The following YAF2 variants were observed in gnomAD, a reference collection of about 807,000 sequenced individuals.
YAF2 encodes the protein YY1 associated factor 2.
In YAF2, 7 loss-of-function variants were observed where a neutral mutation model predicts 20.1. The ratio of observed to expected loss-of-function variants is 0.35; its 90% CI spans 0.20 to 0.65. The LOEUF (loss-of-function observed/expected upper bound fraction) is 0.65, where lower values mean the gene tolerates loss of function less well. Ranked by LOEUF, YAF2 falls within the 30% of genes least tolerant of loss-of-function variation. The pLI is 0.69. For synonymous variants in YAF2, 74 were observed against 76.0 expected (o/e 0.97, Z 0.14); for missense variants, 151 against 219.2 (o/e 0.69, Z 1.96).
Position 42,223,718 on chromosome 12 carries a change from C to T in YAF2, c.152+13881G>A, listed in dbSNP as rs537638881. 4.6e-5 allele frequency among the ~76,000 whole-genome samples: 7 copies of T among 152,122 alleles called. No individual in the cohort carries two copies. The East Asian group carries it at 1.4e-3, about 29-fold the overall frequency. On this transcript the variant is annotated intron_variant, in intron 2 of 3. Transcript: ENST00000534854. ...CCATAAAAAAGGATGAGTTCATGTC[C>T]TTCGCAGGGACATGGATGAAGCTGG...
chr12:42,224,650 A>G (rs975010037), intron 2 of YAF2, among the ~76,000 whole-genome samples: 1 of 151,374 alleles, frequency 6.6e-6, no homozygotes, highest in African/African-American at 2.4e-5. Context: ...ATCCTGTGTT[A>G]GTGTGCTGTA....
intron 2 of YAF2, among the ~76,000 whole-genome samples, chr12:42,223,539 A>C (rs2067587240): frequency 6.6e-6 from 1 of 152,030 alleles, no homozygotes; most frequent in Non-Finnish European, 1.5e-5. Flanking sequence ...TTATTTATTT[A>C]TTTGTACAGA....
At chr12:42,185,137 C>A (rs1248506779) in intron 2 of YAF2, among the ~76,000 whole-genome samples, 3 of 152,172 alleles carry the variant, frequency 2.0e-5, no homozygotes, top group Non-Finnish European at 4.4e-5. Context: ...AAGATCGCGC[C>A]ACTGCACTCC....
At chr12:42,238,014 A>C in intron 1 of YAF2, 141 bp downstream of exon 1, 3 of 579,704 alleles carry the variant, frequency 5.2e-6, no homozygotes, top group Non-Finnish European at 7.0e-6. Flanking sequence ...CGGCCCCCTC[A>C]AGCGGCAGCA....
chr12:42,166,362 T>A (rs2065917575), intron 2 of YAF2, among the ~76,000 whole-genome samples: 1 of 152,246 alleles, frequency 6.6e-6, no homozygotes, highest in Non-Finnish European at 1.5e-5. Flanking sequence ...ACCATTTTCA[T>A]TTGTAGATGA....
At chr12:42,227,830 G>T (rs370472867) in intron 2 of YAF2, among the ~76,000 whole-genome samples, 1 of 137,196 alleles carries the variant, frequency 7.3e-6, no homozygotes, top group Non-Finnish European at 1.6e-5. Flanking sequence ...CAGCCGTGCC[G>T]TCCGGGAGGG....
At chr12:42,181,062 A>G (rs2066330127) in intron 2 of YAF2, among the ~76,000 whole-genome samples, 1 of 152,242 alleles carries the variant, frequency 6.6e-6, no homozygotes, top group Admixed American at 6.5e-5. Context: ...GAATCTTTAT[A>G]TATTACATAG....
rs142716436 is a variant in YAF2 at position 42,168,461 on chromosome 12, T to C, written c.153-6696A>G. Among the ~76,000 whole-genome samples the C allele has an allele frequency of 6.2e-3, 945 of 152,208 alleles. 7 individuals carry two copies. Among genetic ancestry groups the C allele is most frequent in the African/African-American group, 0.021 (891 of 41,538 alleles). On this transcript the variant is annotated intron_variant, in intron 2 of 3. Transcript: ENST00000534854. ...CCTACCAAAGTGCTGGGATTATAGATGTGAGCCACCATGCCTGGCCGAAAG... is the reference window on the plus strand; with the variant it reads ...CCTACCAAAGTGCTGGGATTATAGACGTGAGCCACCATGCCTGGCCGAAAG...
chr12:42,223,616 C>A (rs1306400971), intron 2 of YAF2, among the ~76,000 whole-genome samples: 1 of 152,088 alleles, frequency 6.6e-6, no homozygotes, highest in Non-Finnish European at 1.5e-5. Context: ...CTGCCTCAGC[C>A]TGTAAAAGTG....
intron 2 of YAF2, among the ~76,000 whole-genome samples, chr12:42,166,913 A>G (rs1468082712): frequency 1.3e-5 from 2 of 149,800 alleles, no homozygotes; most frequent in Non-Finnish European, 3.0e-5. Flanking sequence ...AAAACACTGG[A>G]TTTTTTTTTC....
chr12:42,215,927 AAAATAAATAAATAAATAAATAAATAAAT>A (rs67295015), intron 2 of YAF2, among the ~76,000 whole-genome samples: 12 of 144,814 alleles, frequency 8.3e-5, no homozygotes, highest in Admixed American at 2.8e-4. Context: ...TCCAGCTCAA[AAAATAAATAAATAAATAAATAAATAAAT>A]AAATAAATAA....
At chr12:42,193,162 A>C (rs1226938393) in intron 2 of YAF2, among the ~76,000 whole-genome samples, 5 of 152,002 alleles carry the variant, frequency 3.3e-5, no homozygotes, top group African/African-American at 4.8e-5. Flanking sequence ...TAAAAATACA[A>C]AAATTAGCCG....
intron 2 of YAF2, among the ~76,000 whole-genome samples, chr12:42,222,984 C>A (rs547709674): frequency 6.7e-5 from 10 of 149,952 alleles, no homozygotes; most frequent in South Asian, 2.1e-4. Flanking sequence ...GTTGGAAACT[C>A]AGTAAAAAGC....
At chr12:42,192,928 G>A (rs2066652041) in intron 2 of YAF2, among the ~76,000 whole-genome samples, 1 of 152,212 alleles carries the variant, frequency 6.6e-6, no homozygotes, top group Admixed American at 6.5e-5. Context: ...TTATCACCTA[G>A]TGAAGTAGCT....
At chr12:42,212,346 C>T in intron 2 of YAF2, 2 of 269,800 alleles carry the variant, frequency 7.4e-6, no homozygotes, top group Middle Eastern at 4.2e-4. Context: ...TTTAATGTGC[C>T]ACAGCAGTGA....
chr12:42,233,700 A>T, intron 2 of YAF2: 1 of 840,818 alleles, frequency 1.2e-6, no homozygotes, highest in Non-Finnish European at 1.4e-6. Flanking sequence ...TTTAGTAGAG[A>T]CGAGATCTCA....
At chr12:42,190,057 T>C (rs1383690403) in intron 2 of YAF2, among the ~76,000 whole-genome samples, 1 of 152,196 alleles carries the variant, frequency 6.6e-6, no homozygotes, top group African/African-American at 2.4e-5. Context: ...ATTAAGATTG[T>C]TTTTGCTGGA....
At chr12:42,165,490 G>T (rs1324653878) in intron 2 of YAF2, among the ~76,000 whole-genome samples, 1 of 152,088 alleles carries the variant, frequency 6.6e-6, no homozygotes, top group African/African-American at 2.4e-5. Flanking sequence ...TTGAGATTGA[G>T]CCTAGCTCTG....
intron 2 of YAF2, among the ~76,000 whole-genome samples, chr12:42,204,835 T>C (rs945651505): frequency 6.6e-6 from 1 of 152,188 alleles, no homozygotes; most frequent in Admixed American, 6.5e-5. Context: ...ACACATGTTG[T>C]ATAATTCCAT....
Sources: allele counts gnomAD v4.1 joint callset (sites outside exome capture counted in the v4.1 genomes callset), GRCh38; gene constraint gnomAD v4.1.1; transcripts MANE v1.5; gene names NCBI Gene and HGNC (gene_info 2026-07-23, HGNC 2026-07-21).